The following ILK variants were observed in gnomAD, a reference collection of about 807,000 sequenced individuals.
ILK encodes the protein integrin linked kinase.
A neutral mutation model predicts 57.8 loss-of-function variants in ILK; 37 were observed. The observed-to-expected ratio is 0.64, with a 90% CI of 0.49 to 0.84. The LOEUF is 0.84. Ranked by LOEUF, ILK falls within the 40% of genes least tolerant of loss-of-function variation. The probability of loss-of-function intolerance (pLI) is 0.00; values close to 1 mark genes in which losing one functional copy is unlikely to be tolerated. For missense variants in ILK, 528 were observed against 595.7 expected, an observed-to-expected ratio of 0.89 and a Z score of 1.18; for synonymous variants, 231 against 202.2, an observed-to-expected ratio of 1.14 and a Z score of -1.21.
chr11:6,607,375 T>C (rs1855029545), intron 2 of ILK: 1 of 152,978 alleles, frequency 6.5e-6, no homozygotes, highest in African/African-American at 2.4e-5. Flanking sequence ...GATTGCTAAG[T>C]AGGGGAATCC....
At chr11:6,606,553 A>ATCTAGGAAGACTCTAGCTGAG (rs781365569) in intron 2 of ILK, 3 of 144,544 alleles carry the variant, frequency 2.1e-5, no homozygotes, top group East Asian at 3.9e-4. Flanking sequence ...TGGGCCTAGC[A>ATCTAGGAAGACTCTAGCTGAG]TCTAGGAAGA....
rs912510389 is a variant in ILK, at chr11:6,609,825, C to A, written c.958C>A (p.Leu320Ile). The stretch of plus-strand genomic sequence containing the variant: ...AGAGCCCCTCATCCCACGACATGCA[C>A]TCAATAGCCGTAGTGTAATGGTGAG... Reference protein sequence around the residue: ...TLEPLIPRHALNSRSVMIDED... With the variant: ...TLEPLIPRHAINSRSVMIDED... Residue 320 changes from leucine (L) to isoleucine (I), a missense_variant, in exon 10 of 13, where the codon CTC becomes ATC. By Grantham distance (5) the Leu-to-Ile change is conservative. Coordinates refer to ENST00000299421, the MANE Select transcript of ILK (RefSeq NM_004517.4). 3.1e-6 allele frequency: 5 copies of A among 1,614,230 alleles called. No homozygotes were observed. Among genetic ancestry groups the A allele is most frequent in the Middle Eastern group, 1.6e-4 (1 of 6,062 alleles).
In ILK at chr11:6,604,738, G is replaced by A. The variant is rs2555176; in HGVS notation, c.89+378G>A. On this transcript the variant is annotated intron_variant, in intron 2 of 12. Coordinates refer to ENST00000299421, the MANE Select transcript of ILK (RefSeq NM_004517.4). Reference sequence around the variant, plus strand: ...AAAGAACAGGACATAAGACTGTAGAGGTCTCCAAGGATCAGCCAGATCATG... The same window carrying A: ...AAAGAACAGGACATAAGACTGTAGAAGTCTCCAAGGATCAGCCAGATCATG... The A allele has an allele frequency of 5.5e-3, 2,609 of 476,236 alleles. 59 individuals are homozygous for A. Among genetic ancestry groups the A allele is most frequent in the African/African-American group, 0.045 (2,319 of 51,002 alleles). 29.5% of individuals were successfully genotyped at this position (476,236 alleles called of 1,614,324 possible). A position where few individuals can be genotyped will look rare whatever the true frequency, so the allele number is the denominator to read the frequency against.
chr11:6,606,971 T>C (rs1854974072), intron 2 of ILK: 1 of 152,282 alleles, frequency 6.6e-6, no homozygotes, highest in Non-Finnish European at 1.5e-5. Flanking sequence ...TGTTAGCAGA[T>C]GCGAGCAAGT....
chr11:6,604,115 ACCCCCACTAGCCGGGGACGCAGCTCAGG>A (rs1459204416), intron 1 of ILK, 37 bp from the exon 2 acceptor site: 12 of 700,812 alleles, frequency 1.7e-5, no homozygotes, highest in African/African-American at 3.5e-5. Context: ...TCCTTCACAG[ACCCCCACTAGCCGGGGACGCAGCTCAGG>A]CCCCCTACCC....
At position 6,610,811 on chromosome 11, in the gene ILK, G is replaced by T; in HGVS notation, c.*200G>T. On this transcript the variant is annotated 3_prime_UTR_variant, in exon 13 of 13. Coordinates refer to ENST00000299421, the MANE Select transcript of ILK (RefSeq NM_004517.4). ...CTCAGAGCTTTGTCACTTGCCACAT[G>T]GTGTCTCCCAACATGGGAGGGATCA... The T allele has an allele frequency of 7.2e-7, 1 of 1,394,176 alleles. No homozygotes were observed. The highest frequency in any genetic ancestry group is 1.2e-5 in the South Asian group (1 of 83,156). The allele number at this position is 1,394,176 out of a possible 1,614,324, so 86.4% of individuals were successfully genotyped here. A position where few individuals can be genotyped will look rare whatever the true frequency, so the allele number is the denominator to read the frequency against.
Position 6,609,064 on chromosome 11 carries a change from C to G in ILK, c.533-7C>G, listed in dbSNP as rs1321829762. ...AAGCTGGGTACCTGACCTGCCCACA[C>G]TCTTAGGAAATGGAACCCTGAACAA... On this transcript the variant is annotated splice_polypyrimidine_tract_variant and splice_region_variant and intron_variant, in intron 6 of 12. Coordinates refer to ENST00000299421, the MANE Select transcript of ILK (RefSeq NM_004517.4). 7 of 1,613,792 alleles carry G rather than the reference C, an allele frequency of 4.3e-6. No homozygotes were observed. Among genetic ancestry groups the G allele is most frequent in the African/African-American group, 2.7e-5 (2 of 74,926 alleles).
Position 6,608,223 on chromosome 11 carries a change from CTCCT to C in ILK, c.255+15_255+18del, listed in dbSNP as rs763403788. On this transcript the variant is annotated intron_variant, in intron 3 of 12. Coordinates refer to ENST00000299421, the MANE Select transcript of ILK (RefSeq NM_004517.4). The surrounding 1 kb of genome is among the most constrained non-coding windows in gnomAD (Gnocchi z 4.9). ...ATATTGTACAGAAGGTACGTACAAA[CTCCT>C]TCGTCATCCACATCACATACATGCC... 3.1e-6 allele frequency: 5 copies of C among 1,614,122 alleles called. No homozygotes were observed. Among genetic ancestry groups the C allele is most frequent in the South Asian group, 1.1e-5 (1 of 91,084 alleles).
intron 2 of ILK, chr11:6,607,654 C>T (rs141471101): frequency 5.4e-4 from 168 of 310,836 alleles, no homozygotes; most frequent in South Asian, 1.1e-3. Flanking sequence ...CAAGACAGTC[C>T]ATTAACAGAT....
intron 2 of ILK, among the ~76,000 whole-genome samples, chr11:6,605,304 C>G (rs1247363224): frequency 1.3e-5 from 2 of 151,992 alleles, no homozygotes; most frequent in Non-Finnish European, 2.9e-5. Flanking sequence ...GAGAACGTCT[C>G]AGGAGAGTGG....
intron 12 of ILK, 88 bp downstream of exon 12, chr11:6,610,366 T>TG: frequency 6.2e-7 from 1 of 1,613,294 alleles, no homozygotes; most frequent in Admixed American, 1.7e-5. Flanking sequence ...CTCACATATT[T>TG]GTTCGGATAT....
intron 2 of ILK, chr11:6,604,583 G>A: frequency 1.6e-6 from 1 of 626,704 alleles, no homozygotes; most frequent in South Asian, 1.8e-5. Context: ...GAGCTTTCCA[G>A]CCTCAGTAGA....
Position 6,610,711 on chromosome 11 carries a change from A to C in ILK, c.*100A>C. On this transcript the variant is annotated 3_prime_UTR_variant, in exon 13 of 13. Transcript: ENST00000299421. ...GCCTCTGGTTGCCTCCCCCGCCTCC[A>C]GTCATGGTACTACCCCAGCCATGGG... is the stretch of plus-strand genomic sequence containing the variant. The C allele has an allele frequency of 6.8e-7, 1 of 1,473,846 alleles. No homozygotes were observed. Among genetic ancestry groups the C allele is most frequent in the Non-Finnish European group, 9.4e-7 (1 of 1,060,564 alleles). The allele number at this position is 1,473,846 out of a possible 1,614,324, so 91.3% of individuals were successfully genotyped here.
At position 6,608,064 on chromosome 11, in the gene ILK, C is replaced by T. The variant is rs540611747; in HGVS notation, c.108C>T (p.Ser36=). Residue 36 remains serine (S), a synonymous_variant, in exon 3 of 13, where the codon TCC becomes TCT. Coordinates refer to ENST00000299421, the MANE Select transcript of ILK (RefSeq NM_004517.4). The surrounding 1 kb of genome is among the most constrained non-coding windows in gnomAD (Gnocchi z 4.9). ...DLNQGDDHGF[S]PLHWACREGR... Reference sequence around the variant, plus strand: ...CTCAAAGGGACGATCATGGCTTCTCCCCCTTGCACTGGGCCTGCCGAGAGG... The same window carrying T: ...CTCAAAGGGACGATCATGGCTTCTCTCCCTTGCACTGGGCCTGCCGAGAGG... 6.2e-7 allele frequency: 1 copy of T among 1,614,122 alleles called. No homozygotes were observed. Among genetic ancestry groups the T allele is most frequent in the South Asian group, 1.1e-5 (1 of 91,068 alleles).
At chr11:6,604,495 C>T (rs1854629876) in intron 2 of ILK, 135 bp downstream of exon 2, 9 of 788,794 alleles carry the variant, frequency 1.1e-5, no homozygotes, top group South Asian at 4.4e-5. Context: ...CTGTGGGGGG[C>T]AGAGGGTTTT....
chr11:6,603,852 C>G, intron 1 of ILK, 30 bp downstream of exon 1: 2 of 356,694 alleles, frequency 5.6e-6, no homozygotes, highest in East Asian at 5.7e-5. Context: ...CGCCCCCTGT[C>G]ACCCCTCACT....
rs1236862935 is a variant in ILK at position 6,609,582 on chromosome 11, C to G, written c.799C>G (p.Leu267Val). The change falls in exon 9 of 13, where the codon CTC becomes GTC. Residue 267 changes from leucine (L) to valine (V), a missense_variant. Coordinates refer to ENST00000299421, the MANE Select transcript of ILK (RefSeq NM_004517.4). Reference sequence around the variant, plus strand: ...GTCTCCACCTGCTCCTCATCCTACTCTCATCACACACTGGATGCCGTATGG... The same window carrying G: ...GTCTCCACCTGCTCCTCATCCTACTGTCATCACACACTGGATGCCGTATGG... ...CQSPPAPHPTLITHWMPYGSL... is the reference protein window; with the variant it reads ...CQSPPAPHPTVITHWMPYGSL... 3 of 1,614,178 alleles carry G rather than the reference C, an allele frequency of 1.9e-6. No homozygotes were observed.
intron 2 of ILK, chr11:6,606,534 G>C (rs1222488213): frequency 6.6e-6 from 1 of 151,870 alleles, no homozygotes; most frequent in Non-Finnish European, 1.5e-5. Flanking sequence ...GGCTTAGGCA[G>C]TTGCCCAGTG....
chr11:6,607,700 G>T, intron 2 of ILK: 1 of 352,242 alleles, frequency 2.8e-6, no homozygotes, highest in South Asian at 2.5e-5. Context: ...TGAAGTAGGG[G>T]GACATATAAG....
Sources: gnomAD v4.1 joint callset for allele counts (sites outside exome capture counted in the v4.1 genomes callset) on GRCh38, gnomAD v4.1.1 for gene constraint, Gnocchi (gnomAD v3.1) non-coding constraint, MANE v1.5 for transcripts, NCBI Gene and HGNC (gene_info 2026-07-23, HGNC 2026-07-21) for gene names.